The following NRCAM variants were observed in gnomAD, a reference collection of about 807,000 sequenced individuals.
NRCAM encodes NgCAM-related cell adhesion molecule.
In NRCAM, 83 loss-of-function variants were observed where a neutral mutation model predicts 156.5. The ratio of observed to expected loss-of-function variants is 0.53; its 90% confidence interval spans 0.44 to 0.64. The LOEUF (loss-of-function observed/expected upper bound fraction) is 0.64, where lower values mean the gene tolerates loss of function less well. Among genes scored for constraint, NRCAM ranks in the 30% least tolerant of loss-of-function variants. NRCAM has a pLI of 0.00. For synonymous variants in NRCAM, 538 were observed against 563.9 expected, an observed-to-expected ratio of 0.95 and a Z score of 0.65; for missense variants, 1,417 against 1,597.3, an observed-to-expected ratio of 0.89 and a Z score of 1.92.
At chr7:108,428,702 G>A (rs1820632075) in intron 1 of NRCAM, among the ~76,000 whole-genome samples, 2 of 152,202 alleles carry the variant, frequency 1.3e-5, no homozygotes, top group Admixed American at 1.3e-4. Flanking sequence ...CTAGCTTTAT[G>A]AAGTTCAATA....
chr7:108,231,333 G>T (rs2094303650), intron 7 of NRCAM, among the ~76,000 whole-genome samples, 180 bp from the exon 8 acceptor site: 1 of 152,094 alleles, frequency 6.6e-6, no homozygotes, highest in African/African-American at 2.4e-5. Flanking sequence ...TTTAAAAAAT[G>T]ACAATTCTCA....
intron 3 of NRCAM, among the ~76,000 whole-genome samples, chr7:108,267,526 CT>C (rs2097153375): frequency 6.6e-6 from 1 of 152,170 alleles, no homozygotes; most frequent in Non-Finnish European, 1.5e-5. Flanking sequence ...AGGTATTCCA[CT>C]TTGAAAAGTA....
At chr7:108,160,284 T>C (rs112718231) in intron 31 of NRCAM, 77 bp downstream of exon 31, 7 of 1,400,806 alleles carry the variant, frequency 5.0e-6, no homozygotes, top group African/African-American at 1.4e-5. Flanking sequence ...ACAATCTACA[T>C]GATTTCCCCC....
intron 11 of NRCAM, among the ~76,000 whole-genome samples, chr7:108,220,679 C>T (rs893534535): frequency 7.2e-5 from 11 of 152,138 alleles, no homozygotes; most frequent in African/African-American, 2.7e-4. Flanking sequence ...TCATCTCTCA[C>T]CTTATATAAA....
At chr7:108,442,802 C>T (rs1157069635) in intron 1 of NRCAM, among the ~76,000 whole-genome samples, 1 of 152,222 alleles carries the variant, frequency 6.6e-6, no homozygotes, top group Non-Finnish European at 1.5e-5. Flanking sequence ...TATTCAGATA[C>T]AAACTATCGC....
chr7:108,378,837 A>G (rs957224561), intron 2 of NRCAM, among the ~76,000 whole-genome samples: 2 of 152,068 alleles, frequency 1.3e-5, no homozygotes, highest in Non-Finnish European at 2.9e-5. Context: ...AAATGGAAGG[A>G]GGATTATAGA....
chr7:108,299,159 A>C (rs113283515), intron 3 of NRCAM, among the ~76,000 whole-genome samples: 3 of 146,698 alleles, frequency 2.0e-5, no homozygotes, highest in African/African-American at 7.5e-5. Context: ...TAAAAAAAAA[A>C]AAAACCCAAA....
intron 2 of NRCAM, among the ~76,000 whole-genome samples, chr7:108,320,740 C>G (rs2098991935): frequency 2.0e-5 from 3 of 152,152 alleles, no homozygotes; most frequent in Admixed American, 2.0e-4. Flanking sequence ...AAGAATCAAA[C>G]ACACATGCAA....
intron 2 of NRCAM, among the ~76,000 whole-genome samples, chr7:108,364,157 T>A (rs2099577457): frequency 6.6e-6 from 1 of 152,214 alleles, no homozygotes; most frequent in South Asian, 2.1e-4. Flanking sequence ...TATAAATCTA[T>A]AAATGTTCTA....
chr7:108,183,070 T>TA, intron 22 of NRCAM, 150 bp from the exon 23 acceptor site: 1 of 673,196 alleles, frequency 1.5e-6, no homozygotes, highest in Non-Finnish European at 2.5e-6. Flanking sequence ...AGGGACCTTC[T>TA]ATCAATTGTG....
intron 1 of NRCAM, among the ~76,000 whole-genome samples, chr7:108,427,337 C>T (rs1454506113): frequency 2.0e-5 from 3 of 152,184 alleles, no homozygotes; most frequent in Non-Finnish European, 2.9e-5. Flanking sequence ...TCCTAGAAAG[C>T]GAACACTCCC....
At chr7:108,250,430 A>G (rs1430726802) in intron 3 of NRCAM, among the ~76,000 whole-genome samples, 2 of 85,082 alleles carry the variant, frequency 2.4e-5, no homozygotes, top group African/African-American at 1.0e-4. Context: ...TACCTCAAAA[A>G]AAAAAAAAAA....
intron 3 of NRCAM, among the ~76,000 whole-genome samples, chr7:108,286,212 A>C (rs545845664): frequency 2.0e-5 from 3 of 152,328 alleles, no homozygotes; most frequent in South Asian, 2.1e-4. Flanking sequence ...AAAAACATAA[A>C]AAAATTTATG....
intron 2 of NRCAM, among the ~76,000 whole-genome samples, chr7:108,375,143 C>T (rs2099668622): frequency 6.6e-6 from 1 of 152,046 alleles, no homozygotes; most frequent in Non-Finnish European, 1.5e-5. Context: ...CTGAGGAGCC[C>T]CTATCTAGCA....
chr7:108,379,500 C>T (rs950322569), intron 2 of NRCAM, among the ~76,000 whole-genome samples: 56 of 152,186 alleles, frequency 3.7e-4, no homozygotes, highest in Non-Finnish European at 7.1e-4. Context: ...TCTAGCATTT[C>T]GGTGCTGCCA....
rs536636177 is a variant in NRCAM at position 108,166,164 on chromosome 7, C to T, written c.3466+757G>A. 3.9e-5 allele frequency among the ~76,000 whole-genome samples: 6 copies of T among 152,048 alleles called. No homozygotes were observed. The South Asian group carries it at 1.2e-3, about 32-fold the overall frequency. On this transcript the variant is annotated intron_variant, in intron 30 of 32. Coordinates refer to ENST00000379028, the MANE Select transcript of NRCAM (RefSeq NM_001037132.4). Reference sequence around the variant, plus strand: ...TTGTTCCATACAAATGTAATAATATCTGTATCAGTTGTCTAAGCTGACTGC... The same window carrying T: ...TTGTTCCATACAAATGTAATAATATTTGTATCAGTTGTCTAAGCTGACTGC...
chr7:108,173,704 A>C (rs2059412546), intron 28 of NRCAM, among the ~76,000 whole-genome samples: 1 of 152,190 alleles, frequency 6.6e-6, no homozygotes, highest in Non-Finnish European at 1.5e-5. Context: ...TTCTTATCTA[A>C]GATCCATCAG....
At chr7:108,408,308 C>T (rs769747077) in intron 1 of NRCAM, among the ~76,000 whole-genome samples, 2 of 152,092 alleles carry the variant, frequency 1.3e-5, no homozygotes, top group Non-Finnish European at 2.9e-5. Context: ...AGATTAAATC[C>T]ACAAACTGGT....
chr7:108,277,058 T>C (rs1377967457), intron 3 of NRCAM, among the ~76,000 whole-genome samples: 1 of 152,206 alleles, frequency 6.6e-6, no homozygotes, highest in African/African-American at 2.4e-5. Flanking sequence ...TGTTGAATAT[T>C]GGCCCCCACT....
Sources: gnomAD v4.1 joint callset for allele counts (sites outside exome capture counted in the v4.1 genomes callset) on GRCh38, gnomAD v4.1.1 for gene constraint, MANE v1.5 for transcripts, NCBI Gene and HGNC (gene_info 2026-07-23, HGNC 2026-07-21) for gene names.